The following CACFD1 variants were observed in gnomAD, a reference collection of about 807,000 sequenced individuals.
CACFD1 encodes the protein calcium channel flower domain containing 1, also known as calcium channel flower homolog.
In CACFD1, 26 loss-of-function variants were observed where a neutral mutation model predicts 21.3. That is an observed-to-expected ratio of 1.22 (90% CI 0.89 to 1.69). The LOEUF is 1.69. Ranked by LOEUF, CACFD1 falls within the 40% of genes most tolerant of loss-of-function variation. The pLI is 0.00. For missense variants in CACFD1, 265 were observed against 236.2 expected (o/e 1.12, Z -0.80); for synonymous variants, 121 against 106.6 (o/e 1.13, Z -0.83).
intron 1 of CACFD1, among the ~76,000 whole-genome samples, chr9:133,462,580 C>T (rs1843265963): frequency 6.6e-6 from 1 of 152,212 alleles, no homozygotes; most frequent in Non-Finnish European, 1.5e-5. Flanking sequence ...GCCTCCAAGG[C>T]CCCCCTCAGT....
chr9:133,463,403 C>T, intron 1 of CACFD1, 80 bp from the exon 2 acceptor site: 1 of 1,607,436 alleles, frequency 6.2e-7, no homozygotes, highest in East Asian at 2.2e-5. Flanking sequence ...CTCGTCCTTT[C>T]CAGTCATCTC....
At chr9:133,460,486 T>C (rs28520761) in intron 1 of CACFD1, among the ~76,000 whole-genome samples, 55 of 40,004 alleles carry the variant, frequency 1.4e-3, no homozygotes, top group Non-Finnish European at 2.0e-3. Flanking sequence ...GGGGCGGGGG[T>C]GGGGCACCGG....
At position 133,459,991 on chromosome 9, in the gene CACFD1, G is replaced by C. The variant is rs934648702; in HGVS notation, c.-76G>C. The C allele has an allele frequency of 3.4e-6, 5 of 1,449,928 alleles. No homozygotes were observed. The African/African-American group carries it at 5.9e-5, about 17-fold the overall frequency. The allele number at this position is 1,449,928 out of a possible 1,614,324, so 89.8% of individuals were successfully genotyped here. On this transcript the variant is annotated 5_prime_UTR_variant, in exon 1 of 5. Transcript: ENST00000316948. ...TGCTAATATGCTCCCTCTCCCACAA[G>C]GCAGCGCGCCGGCTCGGACGCGGCC... is the stretch of plus-strand genomic sequence containing the variant.
Position 133,465,695 on chromosome 9 carries a change from G to A in CACFD1, c.320+248G>A. The stretch of plus-strand genomic sequence containing the variant: ...AAGGTTCAGAGGTATATGAGCATGT[G>A]TGGCAGCATCCGTGCAGTGGAGAGA... On this transcript the variant is annotated intron_variant, in intron 3 of 4. Transcript: ENST00000316948. The surrounding 1 kb of genome is among the most constrained non-coding windows in gnomAD (Gnocchi z 5.0). 4.0e-6 allele frequency: 2 copies of A among 499,154 alleles called. No individual in the cohort carries two copies. Among genetic ancestry groups the A allele is most frequent in the South Asian group, 4.7e-5 (2 of 42,622 alleles). The allele number at this position is 499,154 out of a possible 1,614,324, so 30.9% of individuals were successfully genotyped here.
Position 133,465,501 on chromosome 9 carries a change from C to G in CACFD1, c.320+54C>G. Reference sequence around the variant, plus strand: ...ACACAGTTCCCCAAAACCCCACTGACAAAATAGGACCCAAAAGTCAGGTGA... The same window carrying G: ...ACACAGTTCCCCAAAACCCCACTGAGAAAATAGGACCCAAAAGTCAGGTGA... On this transcript the variant is annotated intron_variant, in intron 3 of 4. Transcript: ENST00000316948. This position sits in a 1 kb window ranked among gnomAD's most constrained non-coding sequence, Gnocchi z 5.0. 1 of 1,546,880 alleles carries G rather than the reference C, an allele frequency of 6.5e-7. No homozygotes were observed. Among genetic ancestry groups the G allele is most frequent in the Non-Finnish European group, 8.8e-7 (1 of 1,140,122 alleles).
At chr9:133,466,814 C>T (rs956872725) in intron 3 of CACFD1, among the ~76,000 whole-genome samples, 13 of 151,972 alleles carry the variant, frequency 8.6e-5, no homozygotes, top group Admixed American at 8.5e-4. Flanking sequence ...AATATTTTCC[C>T]ACGTGTTTCC....
chr9:133,465,948 C>T lies in CACFD1; in HGVS notation c.320+501C>T, dbSNP rs140260871. 8.4e-4 allele frequency: 131 copies of T among 155,766 alleles called. No individual in the cohort carries two copies. The highest frequency in any genetic ancestry group is 1.3e-3 in the Non-Finnish European group (90 of 69,926). The allele number at this position is 155,766 out of a possible 1,614,324, so 9.6% of individuals were successfully genotyped here. A position where few individuals can be genotyped will look rare whatever the true frequency, so the allele number is the denominator to read the frequency against. On this transcript the variant is annotated intron_variant, in intron 3 of 4. Transcript: ENST00000316948. The surrounding 1 kb of genome is among the most constrained non-coding windows in gnomAD (Gnocchi z 5.0). ...ACAATGAAATCAATATGTAATACTT[C>T]TCCTCTCAGTCATAAGAAGGAACTA...
chr9:133,467,457 CAG>C (rs982465548), intron 3 of CACFD1, among the ~76,000 whole-genome samples: 1 of 152,212 alleles, frequency 6.6e-6, no homozygotes, highest in African/African-American at 2.4e-5. Context: ...CTCTATAACT[CAG>C]AGCATTTATT....
intron 2 of CACFD1, 39 bp downstream of exon 2, chr9:133,463,594 T>C (rs1843309987): frequency 6.2e-7 from 1 of 1,608,082 alleles, no homozygotes; most frequent in Non-Finnish European, 8.5e-7. Flanking sequence ...GGGGTCTTGC[T>C]GGTCGGGAAT....
Position 133,465,739 on chromosome 9 carries a change from A to C in CACFD1, c.320+292A>C. On this transcript the variant is annotated intron_variant, in intron 3 of 4. Transcript: ENST00000316948. This position sits in a 1 kb window ranked among gnomAD's most constrained non-coding sequence, Gnocchi z 5.0. Reference sequence around the variant, plus strand: ...GGAGAGAAAGTGGGAAGCGTCTGGAATTTTGGTCCGTCCACTGGGAGTTGT... The same window carrying C: ...GGAGAGAAAGTGGGAAGCGTCTGGACTTTTGGTCCGTCCACTGGGAGTTGT... The C allele has an allele frequency of 2.9e-6, 1 of 347,754 alleles. No individual in the cohort carries two copies. The highest frequency in any genetic ancestry group is 4.5e-5 in the Admixed American group (1 of 22,080). 21.5% of individuals were successfully genotyped at this position (347,754 alleles called of 1,614,324 possible). A position where few individuals can be genotyped will look rare whatever the true frequency, so the allele number is the denominator to read the frequency against.
Position 133,465,687 on chromosome 9 carries a change from G to A in CACFD1, c.320+240G>A. The A allele has an allele frequency of 1.9e-6, 1 of 517,944 alleles. No individual in the cohort carries two copies. The highest frequency in any genetic ancestry group is 2.3e-5 in the South Asian group (1 of 44,358). The allele number at this position is 517,944 out of a possible 1,614,324, so 32.1% of individuals were successfully genotyped here. On this transcript the variant is annotated intron_variant, in intron 3 of 4. Coordinates refer to ENST00000316948, the MANE Select transcript of CACFD1 (RefSeq NM_017586.5). This position sits in a 1 kb window ranked among gnomAD's most constrained non-coding sequence, Gnocchi z 5.0. ...GTCACTGGAAGGTTCAGAGGTATAT[G>A]AGCATGTGTGGCAGCATCCGTGCAG...
In CACFD1 at chr9:133,468,760, C is replaced by G; in HGVS notation, c.*107C>G. ...CACAGCCTGGAGAGGGGCCTTTGCA[C>G]GTGTCCCTACACCTGGAGTCCTCTG... On this transcript the variant is annotated 3_prime_UTR_variant, in exon 5 of 5. Coordinates refer to ENST00000316948, the MANE Select transcript of CACFD1 (RefSeq NM_017586.5). The G allele has an allele frequency of 3.5e-6, 5 of 1,441,884 alleles. No homozygotes were observed. Among genetic ancestry groups the G allele is most frequent in the Non-Finnish European group, 4.6e-6 (5 of 1,098,032 alleles). The allele number at this position is 1,441,884 out of a possible 1,614,324, so 89.3% of individuals were successfully genotyped here.
intron 3 of CACFD1, among the ~76,000 whole-genome samples, chr9:133,467,221 A>T (rs892644038): frequency 1.5e-4 from 23 of 152,190 alleles, no homozygotes; most frequent in African/African-American, 5.3e-4. Context: ...CTCCTGGCCC[A>T]GTTAGCCCAG....
Position 133,465,058 on chromosome 9 carries a change from G to T in CACFD1, c.195-264G>T. 1 of 469,442 alleles carries T rather than the reference G, an allele frequency of 2.1e-6. No individual in the cohort carries two copies. The allele number at this position is 469,442 out of a possible 1,614,324, so 29.1% of individuals were successfully genotyped here. ...AGGAGGAGGATAAAGGGAAGCAGAA[G>T]CCCAGGGGCTTCCCTCTAGGAGTGT... On this transcript the variant is annotated intron_variant, in intron 2 of 4. Coordinates refer to ENST00000316948, the MANE Select transcript of CACFD1 (RefSeq NM_017586.5). The surrounding 1 kb of genome is among the most constrained non-coding windows in gnomAD (Gnocchi z 5.0).
chr9:133,462,355 G>A, intron 1 of CACFD1: 1 of 1,211,356 alleles, frequency 8.3e-7, no homozygotes, highest in Non-Finnish European at 1.1e-6. Context: ...CTGTGCTGAG[G>A]AGCAGTGCAA....
chr9:133,460,783 C>G (rs1843168556), intron 1 of CACFD1, among the ~76,000 whole-genome samples: 1 of 152,182 alleles, frequency 6.6e-6, no homozygotes, highest in Non-Finnish European at 1.5e-5. Context: ...GGGCAGTGAG[C>G]TGAGGGCCCG....
Position 133,470,280 on chromosome 9 carries a change from C to T in CACFD1, c.*1627C>T, listed in dbSNP as rs140602006. 3.7e-4 allele frequency: 56 copies of T among 152,692 alleles called. 1 individual carries two copies. Among genetic ancestry groups the T allele is most frequent in the African/African-American group, 1.2e-3 (50 of 41,550 alleles). 9.5% of individuals were successfully genotyped at this position (152,692 alleles called of 1,614,324 possible). A position where few individuals can be genotyped will look rare whatever the true frequency, so the allele number is the denominator to read the frequency against. ...GTCCCATGTATGCAGTGAGACCTGT[C>T]TACCTCCCACAAGGAGCAAGGGCTC... On this transcript the variant is annotated 3_prime_UTR_variant, in exon 5 of 5. Coordinates refer to ENST00000316948, the MANE Select transcript of CACFD1 (RefSeq NM_017586.5).
intron 2 of CACFD1, among the ~76,000 whole-genome samples, chr9:133,464,611 C>G (rs1211344666): frequency 6.6e-6 from 1 of 152,170 alleles, no homozygotes; most frequent in Non-Finnish European, 1.5e-5. Context: ...ACAGAAGGGC[C>G]TGGCTCAGTG....
chr9:133,467,032 T>C (rs896598035), intron 3 of CACFD1, among the ~76,000 whole-genome samples: 1 of 152,220 alleles, frequency 6.6e-6, no homozygotes, highest in Non-Finnish European at 1.5e-5. Flanking sequence ...TCTTTGTAAT[T>C]TCTATTATTA....
Sources: gnomAD v4.1 joint callset for allele counts (sites outside exome capture counted in the v4.1 genomes callset) on GRCh38, gnomAD v4.1.1 for gene constraint, Gnocchi (gnomAD v3.1) non-coding constraint, MANE v1.5 for transcripts, NCBI Gene and HGNC (gene_info 2026-07-23, HGNC 2026-07-21) for gene names.